The following ATF7IP variants were observed in gnomAD, a reference collection of about 807,000 sequenced individuals.
ATF7IP encodes the protein activating transcription factor 7 interacting protein.
Under a neutral mutation model 106.4 loss-of-function variants are expected in ATF7IP, and 23 were observed. The observed-to-expected ratio is 0.22, with a 90% CI of 0.16 to 0.31. ATF7IP has a LOEUF of 0.31. Among genes scored for constraint, ATF7IP ranks in the 10% least tolerant of loss-of-function variants. The pLI, the probability that ATF7IP is intolerant of heterozygous loss-of-function variation, is 1.00. For missense variants in ATF7IP, 1,334 were observed against 1,524.3 expected (o/e 0.88, Z 2.08); for synonymous variants, 542 against 539.0 (o/e 1.01, Z -0.08).
chr12:14,443,837 A>G (rs1161075178), intron 5 of ATF7IP, among the ~76,000 whole-genome samples: 2 of 152,208 alleles, frequency 1.3e-5, no homozygotes, highest in Non-Finnish European at 2.9e-5. Context: ...TCATATAAGG[A>G]CAATATATTC....
intron 10 of ATF7IP, among the ~76,000 whole-genome samples, chr12:14,473,290 C>CTATGTG (rs1491488005): frequency 7.7e-6 from 1 of 129,942 alleles, no homozygotes; most frequent in African/African-American, 3.0e-5. Flanking sequence ...CTCTCTCTCT[C>CTATGTG]TGTGTGTGTG....
intron 6 of ATF7IP, among the ~76,000 whole-genome samples, chr12:14,447,814 G>A (rs566619274): frequency 1.1e-4 from 17 of 152,142 alleles, no homozygotes; most frequent in African/African-American, 3.6e-4. Flanking sequence ...GTAATATACA[G>A]AGATTAGATT....
At chr12:14,457,609 T>G (rs1464637778) in intron 8 of ATF7IP, among the ~76,000 whole-genome samples, 1 of 152,122 alleles carries the variant, frequency 6.6e-6, no homozygotes, top group Non-Finnish European at 1.5e-5. Context: ...AAATACAGTA[T>G]AGATATTCAA....
At chr12:14,455,789 G>T (rs192292665) in intron 6 of ATF7IP, among the ~76,000 whole-genome samples, 12 of 151,790 alleles carry the variant, frequency 7.9e-5, no homozygotes, top group African/African-American at 2.7e-4. Flanking sequence ...GTTTTGCTAC[G>T]TTGCCCAGGC....
intron 6 of ATF7IP, among the ~76,000 whole-genome samples, chr12:14,453,844 T>C (rs761932550): frequency 3.3e-5 from 5 of 152,116 alleles, no homozygotes; most frequent in Non-Finnish European, 7.4e-5. Context: ...AGGCTGCTCT[T>C]GAACTCCTGA....
chr12:14,449,095 T>C (rs1028155619), intron 6 of ATF7IP, among the ~76,000 whole-genome samples: 4 of 152,154 alleles, frequency 2.6e-5, no homozygotes, highest in Admixed American at 2.6e-4. Flanking sequence ...GCATCCTTTG[T>C]TTCCTTTTCT....
intron 13 of ATF7IP, among the ~76,000 whole-genome samples, chr12:14,483,900 G>T (rs1329363537): frequency 1.3e-5 from 2 of 152,134 alleles, no homozygotes; most frequent in Admixed American, 6.5e-5. Context: ...GAGTGCTTTG[G>T]TCAGAGGCAG....
rs917310258 is a variant in ATF7IP at position 14,395,141 on chromosome 12, C to T, written c.-7-28768C>T. 3 of 151,858 alleles carry T rather than the reference C, an allele frequency of 2.0e-5. No individual in the cohort carries two copies. In the East Asian group the frequency reaches 5.8e-4, roughly 29 times the overall value. The allele number at this position is 151,858 out of a possible 1,614,324, so 9.4% of individuals were successfully genotyped here. A position where few individuals can be genotyped will look rare whatever the true frequency, so the allele number is the denominator to read the frequency against. On this transcript the variant is annotated intron_variant, in intron 1 of 14. Coordinates refer to ENST00000261168, the MANE Select transcript of ATF7IP (RefSeq NM_018179.5). ...ATGAATCAAACAAGAAATTTAGACTCGAGAAGGCTGACCTAGAAGTCTGCA... is the reference window on the plus strand; with the variant it reads ...ATGAATCAAACAAGAAATTTAGACTTGAGAAGGCTGACCTAGAAGTCTGCA...
In ATF7IP at chr12:14,372,232, T is replaced by A. The variant is rs141312076; in HGVS notation, c.-8+6405T>A. Among the ~76,000 whole-genome samples, 205 of 152,264 alleles carry A rather than the reference T, an allele frequency of 1.3e-3. 1 individual carries two copies. Among genetic ancestry groups the A allele is most frequent in the African/African-American group, 3.8e-3 (159 of 41,578 alleles). On this transcript the variant is annotated intron_variant, in intron 1 of 14. Coordinates refer to ENST00000261168, the MANE Select transcript of ATF7IP (RefSeq NM_018179.5). The stretch of plus-strand genomic sequence containing the variant: ...AGGGGCTCCTCCAGGCATTTTAATT[T>A]GTTGAAAACAAAGAAAATTAAACTT...
At chr12:14,400,253 C>T (rs1940115933) in intron 1 of ATF7IP, among the ~76,000 whole-genome samples, 1 of 152,084 alleles carries the variant, frequency 6.6e-6, no homozygotes, top group East Asian at 1.9e-4. Context: ...ACTTGCATGC[C>T]TGTATACATG....
At chr12:14,384,589 C>T (rs888327588) in intron 1 of ATF7IP, among the ~76,000 whole-genome samples, 5 of 152,140 alleles carry the variant, frequency 3.3e-5, no homozygotes, top group Admixed American at 2.6e-4. Context: ...TTGTGACCAT[C>T]TGTACTACTG....
chr12:14,466,665 G>A (rs1943845234), intron 10 of ATF7IP, 75 bp downstream of exon 10: 2 of 1,176,432 alleles, frequency 1.7e-6, no homozygotes, highest in Admixed American at 4.7e-5. Context: ...ATCATTCTTT[G>A]ATTGAATGAA....
chr12:14,487,649 TA>T (rs1944668136), intron 13 of ATF7IP, among the ~76,000 whole-genome samples: 1 of 152,204 alleles, frequency 6.6e-6, no homozygotes, highest in Admixed American at 6.5e-5. Flanking sequence ...TCTTTTGTTG[TA>T]GGTTAGCCAA....
chr12:14,475,619 C>T (rs1469752553), intron 10 of ATF7IP, among the ~76,000 whole-genome samples: 1 of 152,120 alleles, frequency 6.6e-6, no homozygotes, highest in Admixed American at 6.5e-5. Context: ...TCTGTTTAAT[C>T]TTATTTGCTC....
intron 7 of ATF7IP, 132 bp downstream of exon 7, chr12:14,456,766 T>C: frequency 1.6e-6 from 1 of 642,172 alleles, no homozygotes; most frequent in East Asian, 2.8e-5. Context: ...GGTTAGTATA[T>C]TTTCTTTTTC....
chr12:14,476,452 TAAATG>T (rs1202943652), intron 11 of ATF7IP: 6 of 146,346 alleles, frequency 4.1e-5, no homozygotes, highest in African/African-American at 1.5e-4. Context: ...AATCAAATCT[TAAATG>T]AGTATGAACA....
At chr12:14,409,414 G>C (rs1440852132) in intron 1 of ATF7IP, among the ~76,000 whole-genome samples, 1 of 152,046 alleles carries the variant, frequency 6.6e-6, no homozygotes, top group Non-Finnish European at 1.5e-5. Context: ...TATAATAAAA[G>C]AGAATGTTTC....
At chr12:14,480,945 C>A in intron 12 of ATF7IP, 58 bp from the exon 13 acceptor site, 1 of 1,488,750 alleles carries the variant, frequency 6.7e-7, no homozygotes, top group Non-Finnish European at 9.2e-7. Flanking sequence ...CCATTTAATA[C>A]TGTTTGCTTA....
At chr12:14,446,191 A>G (rs1942948269) in intron 5 of ATF7IP, among the ~76,000 whole-genome samples, 1 of 151,694 alleles carries the variant, frequency 6.6e-6, no homozygotes, top group Admixed American at 6.6e-5. Context: ...TCTGTTGCCC[A>G]GGCTGGAGTG....
Sources: allele counts gnomAD v4.1 joint callset (sites outside exome capture counted in the v4.1 genomes callset), GRCh38; gene constraint gnomAD v4.1.1; transcripts MANE v1.5; gene names NCBI Gene and HGNC (gene_info 2026-07-23, HGNC 2026-07-21).